The following STXBP4 variants were observed in gnomAD, a reference collection of about 807,000 sequenced individuals.
STXBP4 encodes syntaxin-binding protein 4.
Under a neutral mutation model 76.1 loss-of-function variants are expected in STXBP4, and 55 were observed. That is an observed-to-expected ratio of 0.72 (90% CI 0.58 to 0.91). The LOEUF is 0.91. Among genes scored for constraint, STXBP4 ranks in the 40% least tolerant of loss-of-function variants. The pLI, the probability that STXBP4 is intolerant of heterozygous loss-of-function variation, is 0.00. For missense variants in STXBP4, 618 were observed against 636.9 expected (o/e 0.97, Z 0.32); for synonymous variants, 201 against 220.2 (o/e 0.91, Z 0.77).
rs377344614 is a variant in STXBP4 at position 55,144,646 on chromosome 17, G to A, written c.1547+3279G>A. Among the ~76,000 whole-genome samples the A allele has an allele frequency of 1.4e-3, 220 of 152,294 alleles. 7 individuals are homozygous for A. In the South Asian group the frequency reaches 0.045, roughly 31 times the overall value. ...TTGAGGACAGGATGCCAGATAATGA[G>A]GCTAATTTGAACTGCTTGTAAATAG... On this transcript the variant is annotated intron_variant, in intron 17 of 17. Coordinates refer to ENST00000376352, the MANE Select transcript of STXBP4 (RefSeq NM_178509.6).
rs1386613736 is a variant in STXBP4, at chr17:55,166,554, GC to G, written c.*6647del. 1.3e-5 allele frequency: 2 copies of G among 152,166 alleles called. No individual in the cohort carries two copies. The highest frequency in any genetic ancestry group is 4.8e-5 in the African/African-American group (2 of 41,422). 9.4% of individuals were successfully genotyped at this position (152,166 alleles called of 1,614,324 possible). A position where few individuals can be genotyped will look rare whatever the true frequency, so the allele number is the denominator to read the frequency against. ...GTTTTCTGTCTAGGAAACTTCTCTT[GC>G]CCCATTCCTGCATCAGATTTCTTCT... On this transcript the variant is annotated 3_prime_UTR_variant, in exon 18 of 18. Coordinates refer to ENST00000376352, the MANE Select transcript of STXBP4 (RefSeq NM_178509.6).
At chr17:55,047,433 C>T (rs1238397331) in intron 12 of STXBP4, among the ~76,000 whole-genome samples, 1 of 151,690 alleles carries the variant, frequency 6.6e-6, no homozygotes, top group South Asian at 2.1e-4. Context: ...AATAACCAAT[C>T]TCATTACTTC....
chr17:55,035,500 G>A (rs544251213), intron 10 of STXBP4, among the ~76,000 whole-genome samples: 3 of 151,688 alleles, frequency 2.0e-5, no homozygotes, highest in Non-Finnish European at 3.0e-5. Flanking sequence ...GTATGCTTGC[G>A]AAATGATCAC....
chr17:55,092,355 T>C (rs894991327), intron 16 of STXBP4, among the ~76,000 whole-genome samples: 1 of 138,772 alleles, frequency 7.2e-6, no homozygotes, highest in Non-Finnish European at 1.6e-5. Context: ...ATTTTGAAAA[T>C]ATTTCTATTA....
At chr17:55,057,233 GAGTTAAA>G (rs1012364823) in intron 12 of STXBP4, among the ~76,000 whole-genome samples, 28 of 152,046 alleles carry the variant, frequency 1.8e-4, no homozygotes, top group African/African-American at 6.8e-4. Context: ...CCTTTAATTG[GAGTTAAA>G]AGTACAGAAA....
chr17:55,165,418 G>A lies in STXBP4; in HGVS notation c.*5507G>A, dbSNP rs2080372335. 1 of 152,240 alleles carries A rather than the reference G, an allele frequency of 6.6e-6. No individual in the cohort carries two copies. The highest frequency in any genetic ancestry group is 2.4e-5 in the African/African-American group (1 of 41,434). The allele number at this position is 152,240 out of a possible 1,614,324, so 9.4% of individuals were successfully genotyped here. On this transcript the variant is annotated 3_prime_UTR_variant, in exon 18 of 18. Coordinates refer to ENST00000376352, the MANE Select transcript of STXBP4 (RefSeq NM_178509.6). Reference sequence around the variant, plus strand: ...ATTATGTGGTATGTTTAGGCAGTGGGACCTTGGACAACGCCAGTGAGCTTC... The same window carrying A: ...ATTATGTGGTATGTTTAGGCAGTGGAACCTTGGACAACGCCAGTGAGCTTC...
At chr17:55,141,000 A>G (rs955590058) in intron 16 of STXBP4, among the ~76,000 whole-genome samples, 2 of 152,168 alleles carry the variant, frequency 1.3e-5, no homozygotes, top group Non-Finnish European at 2.9e-5. Flanking sequence ...TTCAGGCAAA[A>G]ACCATCCACT....
At chr17:55,038,409 T>C (rs2078641328) in intron 10 of STXBP4, among the ~76,000 whole-genome samples, 1 of 152,164 alleles carries the variant, frequency 6.6e-6, no homozygotes, top group African/African-American at 2.4e-5. Context: ...GAATATGTAC[T>C]CTTTTGTAAC....
At position 54,986,200 on chromosome 17, in the gene STXBP4, A is replaced by G; in HGVS notation, c.-20A>G. 6.3e-7 allele frequency: 1 copy of G among 1,594,882 alleles called. No homozygotes were observed. On this transcript the variant is annotated 5_prime_UTR_variant, in exon 3 of 18. Coordinates refer to ENST00000376352, the MANE Select transcript of STXBP4 (RefSeq NM_178509.6). ...CTTCATTTATACAGCTGTTAAATCC[A>G]AGGCTACTTTGGTGAAAGCATGAAT...
chr17:55,127,952 C>T (rs1436072838), intron 16 of STXBP4, among the ~76,000 whole-genome samples: 1 of 141,362 alleles, frequency 7.1e-6, no homozygotes, highest in Non-Finnish European at 1.6e-5. Context: ...CAGCAATGAT[C>T]TTGACTTCAT....
rs568547205 is a variant in STXBP4 at position 55,152,802 on chromosome 17, C to A, written c.1548-6995C>A. On this transcript the variant is annotated intron_variant, in intron 17 of 17. Transcript: ENST00000376352. ...TGAGATTTGGGTGGGTACACAGAGC[C>A]AAACCATATCATATGGCAAATACTT... Among the ~76,000 whole-genome samples the A allele has an allele frequency of 2.0e-5, 3 of 152,226 alleles. No individual in the cohort carries two copies. The East Asian group carries it at 5.8e-4, about 29-fold the overall frequency.
At chr17:55,100,622 A>G (rs916147976) in intron 16 of STXBP4, among the ~76,000 whole-genome samples, 4 of 152,194 alleles carry the variant, frequency 2.6e-5, no homozygotes, top group African/African-American at 9.6e-5. Context: ...AGTAATGACA[A>G]AGTAGAAGAC....
chr17:55,004,858 A>G (rs1351229371), intron 7 of STXBP4, among the ~76,000 whole-genome samples: 1 of 152,024 alleles, frequency 6.6e-6, no homozygotes, highest in East Asian at 1.9e-4. Flanking sequence ...TACTTAGAAA[A>G]ACTCACTCCC....
chr17:55,122,838 G>A lies in STXBP4; in HGVS notation c.1490-18472G>A, dbSNP rs1167660914. Among the ~76,000 whole-genome samples, 3 of 152,104 alleles carry A rather than the reference G, an allele frequency of 2.0e-5. No homozygotes were observed. In the East Asian group the frequency reaches 5.8e-4, roughly 29 times the overall value. On this transcript the variant is annotated intron_variant, in intron 16 of 17. Coordinates refer to ENST00000376352, the MANE Select transcript of STXBP4 (RefSeq NM_178509.6). Reference sequence around the variant, plus strand: ...GAAGAAACTTTTAAGTGCTTTTGAAGCACTCTTTTATAAATAAAGTTTTGA... The same window carrying A: ...GAAGAAACTTTTAAGTGCTTTTGAAACACTCTTTTATAAATAAAGTTTTGA...
At chr17:55,036,255 T>C (rs993922594) in intron 10 of STXBP4, among the ~76,000 whole-genome samples, 1 of 152,054 alleles carries the variant, frequency 6.6e-6, no homozygotes, top group African/African-American at 2.4e-5. Flanking sequence ...TTTTGCTCTG[T>C]TGAATTTATA....
chr17:54,974,617 G>T (rs75886329), intron 1 of STXBP4, among the ~76,000 whole-genome samples: 1 of 152,228 alleles, frequency 6.6e-6, no homozygotes, highest in African/African-American at 2.4e-5. Context: ...TCTTAAAAGG[G>T]CCCCTCACTT....
intron 8 of STXBP4, among the ~76,000 whole-genome samples, chr17:55,014,356 G>C (rs1455328052): frequency 6.6e-6 from 1 of 152,152 alleles, no homozygotes; most frequent in African/African-American, 2.4e-5. Context: ...GCTTTTGCTA[G>C]AATGTCTCTC....
intron 16 of STXBP4, among the ~76,000 whole-genome samples, chr17:55,091,904 A>G (rs1429096446): frequency 6.6e-6 from 1 of 152,228 alleles, no homozygotes; most frequent in Non-Finnish European, 1.5e-5. Flanking sequence ...TGTATGTTGT[A>G]GTCTTGGGTC....
chr17:55,031,175 A>G lies in STXBP4; in HGVS notation c.674A>G (p.Asn225Ser), dbSNP rs772396222. ...GAGTCCTTTATCTTCCAGGCTCTAAATTATCTTGGTATTCAGCCCACAAAG... is the reference window on the plus strand; with the variant it reads ...GAGTCCTTTATCTTCCAGGCTCTAAGTTATCTTGGTATTCAGCCCACAAAG... ...FKAEKLEMAL[N>S]YLGIQPTKEQ... The change falls in exon 9 of 18, where the codon AAT (asparagine) becomes AGT (serine). Residue 225 changes from asparagine to serine, a missense_variant. By Grantham distance (46) the Asn-to-Ser change is conservative (BLOSUM62 1). Coordinates refer to ENST00000376352, the MANE Select transcript of STXBP4 (RefSeq NM_178509.6). The G allele has an allele frequency of 6.2e-7, 1 of 1,612,910 alleles. No individual in the cohort carries two copies. Among genetic ancestry groups the G allele is most frequent in the South Asian group, 1.1e-5 (1 of 91,016 alleles).
Sources: gnomAD v4.1 joint callset for allele counts (sites outside exome capture counted in the v4.1 genomes callset) on GRCh38, gnomAD v4.1.1 for gene constraint, MANE v1.5 for transcripts, NCBI Gene and HGNC (gene_info 2026-07-23, HGNC 2026-07-21) for gene names.